The following FIRRM variants were observed in gnomAD, a reference collection of about 807,000 sequenced individuals.
FIRRM encodes the protein FIGNL1-interacting regulator of recombination and mitosis.
the FIRRM span, among the ~76,000 whole-genome samples, chr1:169,802,217 T>A: frequency 6.6e-6 from 1 of 152,202 alleles, no homozygotes; most frequent in Non-Finnish European, 1.5e-5. Context: ...GAATAGGCGA[T>A]TCAGTGCAAA....
the FIRRM span, chr1:169,799,072 T>G: frequency 1.2e-5 from 5 of 411,130 alleles, no homozygotes; most frequent in African/African-American, 1.0e-4. Context: ...GTAACTGTTC[T>G]CTATGTTACA....
At chr1:169,836,148 T>C in the FIRRM span, among the ~76,000 whole-genome samples, 1 of 152,086 alleles carries the variant, frequency 6.6e-6, no homozygotes, top group Non-Finnish European at 1.5e-5. Context: ...ATTATTCTAC[T>C]TCTTAGAAAA....
At chr1:169,808,818 C>T in the FIRRM span, among the ~76,000 whole-genome samples, 4 of 152,072 alleles carry the variant, frequency 2.6e-5, no homozygotes, top group East Asian at 5.8e-4. Context: ...AGGCTGGTCT[C>T]GAACTCCTGA....
the FIRRM span, among the ~76,000 whole-genome samples, chr1:169,816,919 T>A: frequency 6.6e-6 from 1 of 152,230 alleles, no homozygotes; most frequent in African/African-American, 2.4e-5. Flanking sequence ...TGCAAATAAC[T>A]ATATTGCTGT....
chr1:169,849,585 C>T, the FIRRM span: 8 of 1,613,280 alleles, frequency 5.0e-6, no homozygotes, highest in African/African-American at 4.0e-5. Context: ...ACCTTGGAGG[C>T]GTTTACTCAG....
chr1:169,810,524 C>T, the FIRRM span, among the ~76,000 whole-genome samples: 1 of 152,026 alleles, frequency 6.6e-6, no homozygotes, highest in Non-Finnish European at 1.5e-5. Flanking sequence ...CCTTAGCTTA[C>T]TTTGGCTTTC....
At chr1:169,825,244 A>G in the FIRRM span, among the ~76,000 whole-genome samples, 2 of 152,238 alleles carry the variant, frequency 1.3e-5, no homozygotes, top group African/African-American at 2.4e-5. Flanking sequence ...GATAAAATAC[A>G]TAAATCAGAT....
chr1:169,828,023 A>G, the FIRRM span, among the ~76,000 whole-genome samples: 1 of 152,078 alleles, frequency 6.6e-6, no homozygotes, highest in African/African-American at 2.4e-5. Flanking sequence ...AAATATATAA[A>G]CCTATATTAG....
chr1:169,801,507 G>T, the FIRRM span, among the ~76,000 whole-genome samples: 1 of 136,126 alleles, frequency 7.3e-6, no homozygotes. Flanking sequence ...TTTACTAACT[G>T]AATTTAAATT....
the FIRRM span, among the ~76,000 whole-genome samples, chr1:169,805,182 A>G: frequency 1.1e-4 from 16 of 152,328 alleles, no homozygotes; most frequent in East Asian, 1.3e-3. Context: ...CTCAAAATCT[A>G]TTTATTCACT....
chr1:169,847,709 C>A, the FIRRM span: 2 of 1,613,222 alleles, frequency 1.2e-6, no homozygotes, highest in South Asian at 1.1e-5. Flanking sequence ...TTGCAGACCT[C>A]GCTACTTAAA....
chr1:169,853,555 A>AGTCT, the FIRRM span: 21 of 716,304 alleles, frequency 2.9e-5, no homozygotes, highest in Non-Finnish European at 4.4e-5. Flanking sequence ...ACTCACAGTC[A>AGTCT]GTCTCCTACT....
At chr1:169,803,272 T>G in the FIRRM span, 1 of 1,613,886 alleles carries the variant, frequency 6.2e-7, no homozygotes, top group Non-Finnish European at 8.5e-7. Flanking sequence ...CCCTCCTCAG[T>G]CCTTCATATA....
At chr1:169,800,965 AC>A in the FIRRM span, 1 of 1,552,838 alleles carries the variant, frequency 6.4e-7, no homozygotes, top group Middle Eastern at 1.7e-4. Flanking sequence ...CACAAGTGTT[AC>A]CAAAGGTATA....
At chr1:169,817,059 A>C in the FIRRM span, among the ~76,000 whole-genome samples, 1 of 152,194 alleles carries the variant, frequency 6.6e-6, no homozygotes, top group Admixed American at 6.5e-5. Context: ...ACAACAGCTC[A>C]AAAGAAGTTT....
chr1:169,821,960 T>TA, the FIRRM span, among the ~76,000 whole-genome samples: 813 of 149,356 alleles, frequency 5.4e-3, 5 homozygotes, highest in African/African-American at 0.014. Context: ...TCTTAGAAAG[T>TA]AAAAAAAAAA....
the FIRRM span, chr1:169,827,906 T>C: frequency 1.3e-6 from 2 of 1,535,906 alleles, no homozygotes; most frequent in African/African-American, 2.8e-5. Context: ...TTTGGAATGG[T>C]CTTGAAATTA....
the FIRRM span, chr1:169,851,053 T>G: frequency 1.3e-5 from 1 of 79,250 alleles, no homozygotes; most frequent in Non-Finnish European, 2.5e-5. Context: ...CCCTTTTTTT[T>G]TTTTTTTTTT....
At chr1:169,796,129 GAAGTCATTCACCTA>G in the FIRRM span, 1 of 325,134 alleles carries the variant, frequency 3.1e-6, no homozygotes, top group Non-Finnish European at 4.4e-6. Context: ...TAATCACATA[GAAGTCATTCACCTA>G]GGCATTAGCA....
Sources: gnomAD v4.1 joint callset for allele counts (sites outside exome capture counted in the v4.1 genomes callset) on GRCh38, gnomAD v4.1.1 for gene constraint, MANE v1.5 for transcripts, NCBI Gene and HGNC (gene_info 2026-07-23, HGNC 2026-07-21) for gene names.